Variants in TESMIN observed in about 807,000 individuals in gnomAD.
TESMIN encodes the protein testis expressed metallothionein like protein, also known as CXC domain containing 2.
Under a neutral mutation model 47.4 loss-of-function variants are expected in TESMIN, and 34 were observed. The ratio of observed to expected loss-of-function variants is 0.72; its 90% CI spans 0.55 to 0.96. The LOEUF (loss-of-function observed/expected upper bound fraction) is 0.96, where lower values mean the gene tolerates loss of function less well. Ranked by LOEUF, TESMIN falls within the 40% of genes least tolerant of loss-of-function variation. TESMIN has a pLI of 0.00. For synonymous variants in TESMIN, 278 were observed against 258.9 expected, an observed-to-expected ratio of 1.07 and a Z score of -0.71; for missense variants, 610 against 637.2, an observed-to-expected ratio of 0.96 and a Z score of 0.46.
chr11:68,749,415 C>A (rs1000354491), intron 2 of TESMIN, among the ~76,000 whole-genome samples: 1 of 152,274 alleles, frequency 6.6e-6, no homozygotes, highest in Non-Finnish European at 1.5e-5. Flanking sequence ...GCTTCATCTA[C>A]AACTTACTAA....
chr11:68,708,534 C>T lies in TESMIN; in HGVS notation c.1335-34G>A, dbSNP rs765220356. 3.2e-6 allele frequency: 5 copies of T among 1,550,326 alleles called. No homozygotes were observed. The African/African-American group carries it at 6.9e-5, about 21-fold the overall frequency. On this transcript the variant is annotated intron_variant, in intron 9 of 9. Transcript: ENST00000255087. ...AACAGAGCAGTTAAAGGCCGCTCAA[C>T]AGTGCACCATTTCTACCTACAGTAC...
chr11:68,735,122 C>T (rs1216479558), intron 6 of TESMIN, among the ~76,000 whole-genome samples: 1 of 152,166 alleles, frequency 6.6e-6, no homozygotes, highest in Non-Finnish European at 1.5e-5. Flanking sequence ...TTTTGTTTTT[C>T]CTTTAGAGAC....
At position 68,750,466 on chromosome 11, in the gene TESMIN, G is replaced by C. The variant is rs574937423; in HGVS notation, c.195C>G (p.His65Gln). The C allele has an allele frequency of 1.9e-6, 3 of 1,598,720 alleles. No individual in the cohort carries two copies. The Admixed American group carries it at 5.1e-5, about 27-fold the overall frequency. The change falls in exon 2 of 10, where the codon CAC becomes CAG. Residue 65 changes from histidine (H) to glutamine (Q), a missense_variant. His to Gln is a conservative substitution (Grantham distance 24). Coordinates refer to ENST00000255087, the MANE Select transcript of TESMIN (RefSeq NM_004923.3). Reference sequence around the variant, plus strand: ...CGGCGCCCAGCGCGGGGTTGAACGCGTGCAGGACGGGTTCCTTGGGGTCCG... The same window carrying C: ...CGGCGCCCAGCGCGGGGTTGAACGCCTGCAGGACGGGTTCCTTGGGGTCCG... ...GPADPKEPVL[H>Q]AFNPALGADC... is the part of the protein sequence containing the mutation.
At chr11:68,705,875 T>C (rs1945992238), downstream of TESMIN, among the ~76,000 whole-genome samples, 3 of 152,042 alleles carry the variant, frequency 2.0e-5, no homozygotes, top group Admixed American at 2.0e-4. Context: ...ATACAAAAAT[T>C]AGCCGGGCGT....
chr11:68,717,750 G>A (rs1277194455), intron 6 of TESMIN, among the ~76,000 whole-genome samples: 1 of 152,138 alleles, frequency 6.6e-6, no homozygotes, highest in African/African-American at 2.4e-5. Flanking sequence ...TTCTCTGCAG[G>A]AAGGCATGAG....
chr11:68,715,666 G>A (rs1176249705), intron 7 of TESMIN, among the ~76,000 whole-genome samples, 171 bp downstream of exon 7: 1 of 152,250 alleles, frequency 6.6e-6, no homozygotes, highest in East Asian at 1.9e-4. Flanking sequence ...TTTTACAACA[G>A]CCGCTTGTCG....
chr11:68,740,438 G>A (rs1946442503), intron 5 of TESMIN, among the ~76,000 whole-genome samples: 1 of 152,156 alleles, frequency 6.6e-6, no homozygotes, highest in African/African-American at 2.4e-5. Flanking sequence ...GGGGAAGGTG[G>A]GGAGACAGCA....
Position 68,747,314 on chromosome 11 carries a change from GC to G in TESMIN, c.523del (p.Ala175GlnfsTer21), listed in dbSNP as rs1356712194. On this transcript the variant is annotated frameshift_variant, in exon 3 of 10. Coordinates refer to ENST00000255087, the MANE Select transcript of TESMIN (RefSeq NM_004923.3). LOFTEE classifies it high-confidence loss of function. ...GTTTSNNPEE[A>X]TLQNLLAQES... ...CTGAGCAAGAAGATTCTGCAAAGTT[GC>G]TTCTTCCGGATTATTACTTGTAGTA... 1 of 1,613,906 alleles carries G rather than the reference GC, an allele frequency of 6.2e-7. No individual in the cohort carries two copies. Among genetic ancestry groups the G allele is most frequent in the South Asian group, 1.1e-5 (1 of 91,088 alleles).
chr11:68,709,251 G>A (rs1946033927), intron 9 of TESMIN, among the ~76,000 whole-genome samples: 1 of 152,214 alleles, frequency 6.6e-6, no homozygotes, highest in Non-Finnish European at 1.5e-5. Flanking sequence ...ACGTGGGCCA[G>A]GCAGGAAATT....
intron 6 of TESMIN, chr11:68,737,700 T>C (rs1221857698): frequency 1.0e-6 from 1 of 971,922 alleles, no homozygotes. Flanking sequence ...TCATCTGAGG[T>C]CAGTATTTCA....
chr11:68,738,442 C>A, intron 6 of TESMIN: 1 of 1,232,898 alleles, frequency 8.1e-7, no homozygotes, highest in Non-Finnish European at 1.0e-6. Context: ...TCAGAAACAC[C>A]AACATAGGAC....
At chr11:68,745,183 T>TA in intron 3 of TESMIN, 72 bp from the exon 4 acceptor site, 1 of 1,401,836 alleles carries the variant, frequency 7.1e-7, no homozygotes, top group East Asian at 2.4e-5. Context: ...TAAATAAACT[T>TA]AAATCTGAGA....
intron 4 of TESMIN, among the ~76,000 whole-genome samples, chr11:68,743,225 C>T (rs963652428): frequency 2.7e-5 from 4 of 149,654 alleles, no homozygotes; most frequent in Admixed American, 2.0e-4. Flanking sequence ...TTGGATACCA[C>T]AGGAACTACT....
chr11:68,749,091 C>T (rs1021318551), intron 2 of TESMIN, among the ~76,000 whole-genome samples: 1 of 152,220 alleles, frequency 6.6e-6, no homozygotes, highest in African/African-American at 2.4e-5. Context: ...GGGCAGGAGG[C>T]GCTGGACACC....
intron 8 of TESMIN, among the ~76,000 whole-genome samples, chr11:68,712,043 G>C (rs1489312304): frequency 6.6e-6 from 1 of 152,232 alleles, no homozygotes; most frequent in Non-Finnish European, 1.5e-5. Context: ...GATGCGTTCT[G>C]TTTCATCTGC....
chr11:68,731,080 A>AG (rs1303326338), intron 6 of TESMIN, among the ~76,000 whole-genome samples: 1 of 152,166 alleles, frequency 6.6e-6, no homozygotes, highest in Non-Finnish European at 1.5e-5. Context: ...TGTCTACCAC[A>AG]GGAAGAGGGC....
chr11:68,717,848 T>C (rs190120019), intron 6 of TESMIN, among the ~76,000 whole-genome samples: 82 of 152,216 alleles, frequency 5.4e-4, no homozygotes, highest in Non-Finnish European at 1.5e-5. Context: ...AGCAAAACCA[T>C]TGGGCGTGGG....
chr11:68,729,600 T>C (rs1184442458), intron 6 of TESMIN, among the ~76,000 whole-genome samples: 1 of 152,070 alleles, frequency 6.6e-6, no homozygotes. Context: ...AGGAAGTCAC[T>C]GCAGATGTAG....
downstream of TESMIN, among the ~76,000 whole-genome samples, chr11:68,705,144 C>A (rs1041773381): frequency 5.3e-5 from 8 of 152,200 alleles, no homozygotes; most frequent in African/African-American, 1.9e-4. Flanking sequence ...CGGCCCCATG[C>A]ACAAAGCTGT....
Sources: gnomAD v4.1 joint callset for allele counts (sites outside exome capture counted in the v4.1 genomes callset) on GRCh38, gnomAD v4.1.1 for gene constraint, MANE v1.5 for transcripts, NCBI Gene and HGNC (gene_info 2026-07-23, HGNC 2026-07-21) for gene names.